Variants in HERC4 observed in about 807,000 individuals in gnomAD.
HERC4 encodes HECT and RLD domain containing E3 ubiquitin protein ligase 4, also known as probable E3 ubiquitin-protein ligase HERC4.
A neutral mutation model predicts 124.3 loss-of-function variants in HERC4; 28 were observed. The ratio of observed to expected loss-of-function variants is 0.23; its 90% CI spans 0.17 to 0.31. The LOEUF (loss-of-function observed/expected upper bound fraction) is 0.31, where lower values mean the gene tolerates loss of function less well. Ranked by LOEUF, HERC4 falls within the 10% of genes least tolerant of loss-of-function variation. HERC4 has a pLI of 1.00. For synonymous variants in HERC4, 407 were observed against 421.5 expected (o/e 0.97, Z 0.42); for missense variants, 713 against 1,229.3 (o/e 0.58, Z 6.28).
At chr10:68,034,830 T>C (rs2039375846) in intron 5 of HERC4, among the ~76,000 whole-genome samples, 1 of 152,088 alleles carries the variant, frequency 6.6e-6, no homozygotes, top group African/African-American at 2.4e-5. Flanking sequence ...TCTTTTTTTT[T>C]TTAACCTCAC....
intron 15 of HERC4, among the ~76,000 whole-genome samples, chr10:67,971,968 C>T (rs2035261044): frequency 6.6e-6 from 1 of 152,080 alleles, no homozygotes; most frequent in African/African-American, 2.4e-5. Context: ...AATCTCAGCA[C>T]TTTGGGAGGC....
chr10:67,955,424 A>C (rs373036479), intron 17 of HERC4: 1 of 216,100 alleles, frequency 4.6e-6, no homozygotes, highest in Non-Finnish European at 9.0e-6. Flanking sequence ...TTTCTAAAAA[A>C]CATTCACTGG....
At chr10:67,935,765 A>G (rs1026514652) in intron 22 of HERC4, among the ~76,000 whole-genome samples, 3 of 152,206 alleles carry the variant, frequency 2.0e-5, no homozygotes, top group East Asian at 1.9e-4. Flanking sequence ...ACTGCTTCTT[A>G]TAAGAGTTCT....
At chr10:68,009,509 C>T (rs1355846845) in intron 9 of HERC4, among the ~76,000 whole-genome samples, 1 of 152,116 alleles carries the variant, frequency 6.6e-6, no homozygotes. Flanking sequence ...CTAAAAAATG[C>T]TAACGATCAA....
chr10:68,010,593 G>T, intron 9 of HERC4: 3 of 1,238,104 alleles, frequency 2.4e-6, no homozygotes, highest in Non-Finnish European at 3.5e-6. Context: ...TCTCTTTCAG[G>T]CCTGCACGAG....
At chr10:68,049,590 C>CAGAAA (rs2040185593) in intron 3 of HERC4, among the ~76,000 whole-genome samples, 1 of 42,622 alleles carries the variant, frequency 2.3e-5, no homozygotes, top group Non-Finnish European at 3.8e-5. Context: ...GACACTGCCA[C>CAGAAA]AAAAAAAAAA....
chr10:67,927,410 A>G lies in HERC4; in HGVS notation c.2839-2223T>C, dbSNP rs1274135276. ...TATATATATATATATATATATATAT[A>G]TATATATATATATATATATATTTTT... On this transcript the variant is annotated intron_variant, in intron 23 of 24. Transcript: ENST00000373700. Among the ~76,000 whole-genome samples, 17 of 9,458 alleles carry G rather than the reference A, an allele frequency of 1.8e-3. 2 individuals are homozygous for G. Among genetic ancestry groups the G allele is most frequent in the African/African-American group, 4.4e-3 (15 of 3,426 alleles). 6.2% of individuals were successfully genotyped at this position (9,458 alleles called of 152,430 possible).
In HERC4 at chr10:67,922,932, T is replaced by C. The variant is rs1417703180; in HGVS notation, c.3149A>G (p.Ter1050=). 3.1e-6 allele frequency: 5 copies of C among 1,595,902 alleles called. No individual in the cohort carries two copies. The African/African-American group carries it at 6.8e-5, about 22-fold the overall frequency. Residue 1050 remains the stop codon, a stop_retained_variant, in exon 25 of 25, where the codon TAA becomes TGA. Transcript: ENST00000373700. ...AACTGAATAGTTATAACTCCAAAGTTATATTAAACTGAAGCCTTCATTGTG... is the reference window on the plus strand; with the variant it reads ...AACTGAATAGTTATAACTCCAAAGTCATATTAAACTGAAGCCTTCATTGTG... ...IDHNEGFSLI[*]
chr10:68,018,993 C>CTTT (rs35817479), intron 8 of HERC4, among the ~76,000 whole-genome samples: 1 of 88,010 alleles, frequency 1.1e-5, no homozygotes, highest in African/African-American at 4.7e-5. Context: ...AGCATTCTTT[C>CTTT]TTTTTTTTTT....
Position 67,990,956 on chromosome 10 carries a change from C to T in HERC4, c.1391G>A (p.Arg464Lys). The change falls in exon 13 of 25, where the codon AGG becomes AAG. Residue 464 changes from arginine (R) to lysine (K), a missense_variant. By Grantham distance (26) the Arg-to-Lys change is conservative. Transcript: ENST00000373700. ...TTGTATAAGTTTGTGGAATAAAAGC[C>T]TAGCAGCATTCATATCAACCCCTGA... ...RFSGVDMNAA[R>K]LLFHKLIQPD... The T allele has an allele frequency of 6.2e-7, 1 of 1,609,630 alleles. No homozygotes were observed. The highest frequency in any genetic ancestry group is 8.5e-7 in the Non-Finnish European group (1 of 1,177,338).
chr10:67,984,605 CAG>C (rs1297724479), intron 15 of HERC4, among the ~76,000 whole-genome samples: 2 of 151,724 alleles, frequency 1.3e-5, no homozygotes, highest in East Asian at 3.9e-4. Context: ...TTTTTTGAGA[CAG>C]AGTCTCACTC....
At chr10:68,015,452 G>A (rs190726427) in intron 8 of HERC4, among the ~76,000 whole-genome samples, 3 of 151,952 alleles carry the variant, frequency 2.0e-5, no homozygotes, top group Admixed American at 6.6e-5. Flanking sequence ...AGCGACATAA[G>A]CTAACTAATA....
chr10:67,941,142 A>T, intron 19 of HERC4, 37 bp from the exon 20 acceptor site: 2 of 1,376,940 alleles, frequency 1.5e-6, no homozygotes, highest in South Asian at 3.0e-5. Context: ...ATGTCCTCCA[A>T]GTTAAAATAT....
intron 23 of HERC4, among the ~76,000 whole-genome samples, chr10:67,932,218 A>G (rs964513618): frequency 2.0e-5 from 3 of 152,142 alleles, no homozygotes; most frequent in African/African-American, 7.2e-5. Flanking sequence ...TGGCCTCCCA[A>G]AGTCCTGGGG....
chr10:67,925,976 C>G (rs995587427), intron 23 of HERC4, among the ~76,000 whole-genome samples: 1 of 152,210 alleles, frequency 6.6e-6, no homozygotes, highest in African/African-American at 2.4e-5. Flanking sequence ...CCAAACTACT[C>G]AGCTAAGCCA....
chr10:68,000,041 A>G (rs1462948936), intron 9 of HERC4, among the ~76,000 whole-genome samples: 1 of 152,034 alleles, frequency 6.6e-6, no homozygotes, highest in Non-Finnish European at 1.5e-5. Context: ...TTTCTTTTGT[A>G]GAGACAGGGT....
At chr10:67,988,983 ATTTGT>A (rs2036413448) in intron 14 of HERC4, 148 bp from the exon 15 acceptor site, 1 of 618,506 alleles carries the variant, frequency 1.6e-6, no homozygotes, top group African/African-American at 1.9e-5. Flanking sequence ...CTTATGTAAC[ATTTGT>A]AAGGTTTATA....
At chr10:67,924,538 C>T (rs906127506) in intron 24 of HERC4, among the ~76,000 whole-genome samples, 18 of 152,268 alleles carry the variant, frequency 1.2e-4, no homozygotes, top group African/African-American at 4.3e-4. Context: ...GGTACAGTAG[C>T]TGTATTATAA....
chr10:67,925,016 A>G, intron 24 of HERC4, 69 bp downstream of exon 24: 2 of 834,698 alleles, frequency 2.4e-6, no homozygotes, highest in Admixed American at 5.1e-5. Flanking sequence ...AGATTAAAAC[A>G]GGGCTTTGGA....
Sources: gnomAD v4.1 joint callset for allele counts (sites outside exome capture counted in the v4.1 genomes callset) on GRCh38, gnomAD v4.1.1 for gene constraint, MANE v1.5 for transcripts, NCBI Gene and HGNC (gene_info 2026-07-23, HGNC 2026-07-21) for gene names.